The following MSI2 variants were observed in gnomAD, a reference collection of about 807,000 sequenced individuals.
The protein encoded by MSI2 is RNA-binding protein Musashi homolog 2.
MSI2 carries 17 observed loss-of-function variants against 45.6 expected under a neutral mutation model. The observed-to-expected ratio is 0.37, with a 90% CI of 0.26 to 0.56. The LOEUF (loss-of-function observed/expected upper bound fraction) is 0.56. MSI2 is among the 20% of genes least tolerant of loss of function. The pLI is 0.77. For synonymous variants in MSI2, 156 were observed against 158.2 expected (o/e 0.99, Z 0.11); for missense variants, 293 against 444.2 (o/e 0.66, Z 3.06).
intron 6 of MSI2, among the ~76,000 whole-genome samples, chr17:57,521,376 A>G (rs1453680142): frequency 6.6e-6 from 1 of 152,146 alleles, no homozygotes. Context: ...TGTGACCACG[A>G]AAGTAGTAAT....
rs1160128821 is a variant in MSI2, at chr17:57,323,148, A to G, written c.312+60956A>G. ...CCAGAAAGAAAGATCAAAAGCCAAAAAGAAAGGGAGCAGCTGACCCCAAGA... is the reference window on the plus strand; with the variant it reads ...CCAGAAAGAAAGATCAAAAGCCAAAGAGAAAGGGAGCAGCTGACCCCAAGA... On this transcript the variant is annotated intron_variant, in intron 5 of 13. Transcript: ENST00000284073. 9.9e-5 allele frequency among the ~76,000 whole-genome samples: 15 copies of G among 152,200 alleles called. 2 individuals carry two copies. In the South Asian group the frequency reaches 2.7e-3, roughly 27 times the overall value.
At chr17:57,637,105 C>T (rs571036352) in intron 10 of MSI2, among the ~76,000 whole-genome samples, 10 of 152,298 alleles carry the variant, frequency 6.6e-5, no homozygotes, top group African/African-American at 2.2e-4. Flanking sequence ...CAGATTAGAT[C>T]CACAGCCAGA....
chr17:57,523,269 G>A (rs548846327), intron 6 of MSI2, among the ~76,000 whole-genome samples: 8 of 152,222 alleles, frequency 5.3e-5, no homozygotes, highest in Admixed American at 3.9e-4. Flanking sequence ...GGCTGGTCTC[G>A]AACTCCTGAC....
intron 7 of MSI2, among the ~76,000 whole-genome samples, chr17:57,594,169 C>T (rs2144439216): frequency 6.6e-6 from 1 of 152,314 alleles, no homozygotes; most frequent in African/African-American, 2.4e-5. Context: ...CCAGCATCAC[C>T]CTCTTGCAGG....
rs1193829763 is a variant in MSI2 at position 57,256,623 on chromosome 17, G to T, written c.-120G>T. On this transcript the variant is annotated 5_prime_UTR_variant, in exon 1 of 14. Transcript: ENST00000284073. The stretch of plus-strand genomic sequence containing the variant: ...CAGAGAGATTCGGAGGAGCCCGGGC[G>T]GGGGGGAGGAGGAGGGGGAGGAGGG... 4 of 440,090 alleles carry T rather than the reference G, an allele frequency of 9.1e-6. No homozygotes were observed. The highest frequency in any genetic ancestry group is 1.6e-5 in the Non-Finnish European group (4 of 257,102). 27.3% of individuals were successfully genotyped at this position (440,090 alleles called of 1,614,324 possible).
At chr17:57,330,421 A>G (rs1323116804) in intron 5 of MSI2, among the ~76,000 whole-genome samples, 2 of 151,124 alleles carry the variant, frequency 1.3e-5, no homozygotes, top group Admixed American at 1.3e-4. Flanking sequence ...AGTAACCGGG[A>G]TTACAGGTGC....
At chr17:57,600,946 A>G (rs1047068867) in intron 8 of MSI2, 3 of 152,282 alleles carry the variant, frequency 2.0e-5, no homozygotes, top group African/African-American at 7.2e-5. Flanking sequence ...CAGTTTGCCC[A>G]AGGTCACATG....
intron 5 of MSI2, among the ~76,000 whole-genome samples, chr17:57,359,456 C>T (rs1916673818): frequency 1.3e-5 from 2 of 152,156 alleles, no homozygotes; most frequent in African/African-American, 4.8e-5. Flanking sequence ...GGGGGGCGGA[C>T]TTACCTGTCT....
chr17:57,464,711 G>T (rs564501732), intron 6 of MSI2, among the ~76,000 whole-genome samples: 2 of 152,328 alleles, frequency 1.3e-5, no homozygotes, highest in South Asian at 4.2e-4. Flanking sequence ...TTGGAAGCCT[G>T]AGAGTTCCTG....
intron 10 of MSI2, among the ~76,000 whole-genome samples, chr17:57,649,035 G>T (rs1318542039): frequency 6.6e-6 from 1 of 152,196 alleles, no homozygotes; most frequent in Non-Finnish European, 1.5e-5. Context: ...CCTGGAGACA[G>T]CCTGTGCCCT....
chr17:57,574,602 A>T (rs2087965538), intron 7 of MSI2, among the ~76,000 whole-genome samples: 1 of 152,118 alleles, frequency 6.6e-6, no homozygotes, highest in Admixed American at 6.5e-5. Flanking sequence ...TCAGGCTGGC[A>T]TGTGTGCCAG....
intron 7 of MSI2, among the ~76,000 whole-genome samples, chr17:57,551,431 G>A (rs1311248967): frequency 6.6e-6 from 1 of 152,144 alleles, no homozygotes; most frequent in Non-Finnish European, 1.5e-5. Flanking sequence ...TGGAGAGGTA[G>A]GTTCAGGTGG....
chr17:57,331,028 C>T (rs552312806), intron 5 of MSI2, among the ~76,000 whole-genome samples: 1 of 152,182 alleles, frequency 6.6e-6, no homozygotes, highest in East Asian at 1.9e-4. Flanking sequence ...ATTCTCCTGC[C>T]TCAGCCTCCC....
intron 7 of MSI2, among the ~76,000 whole-genome samples, chr17:57,593,243 G>A (rs1284239394): frequency 6.6e-6 from 1 of 152,184 alleles, no homozygotes; most frequent in African/African-American, 2.4e-5. Flanking sequence ...GGATATGGAG[G>A]CAGCTGAAAC....
chr17:57,586,975 A>G (rs2088365278), intron 7 of MSI2, among the ~76,000 whole-genome samples: 1 of 152,184 alleles, frequency 6.6e-6, no homozygotes, highest in Non-Finnish European at 1.5e-5. Flanking sequence ...ATTGGGAAGC[A>G]TAGGGCAGAG....
intron 13 of MSI2, 128 bp downstream of exon 13, chr17:57,677,187 C>G (rs1913292707): frequency 2.9e-6 from 2 of 679,734 alleles, no homozygotes; most frequent in African/African-American, 3.6e-5. Flanking sequence ...TTTCTGGACC[C>G]CTTTTCAGGA....
intron 9 of MSI2, among the ~76,000 whole-genome samples, chr17:57,617,247 G>C (rs1404373076): frequency 6.6e-6 from 1 of 152,162 alleles, no homozygotes; most frequent in Non-Finnish European, 1.5e-5. Flanking sequence ...AATTTTTTAG[G>C]CTTAACAGAG....
chr17:57,633,493 C>T (rs908460356), intron 10 of MSI2, among the ~76,000 whole-genome samples: 2 of 152,268 alleles, frequency 1.3e-5, no homozygotes, highest in African/African-American at 4.8e-5. Context: ...TGGAGCCCCT[C>T]ACATCTGTGC....
chr17:57,346,725 G>A (rs181569037), intron 5 of MSI2, among the ~76,000 whole-genome samples: 264 of 151,792 alleles, frequency 1.7e-3, no homozygotes, highest in African/African-American at 5.1e-3. Flanking sequence ...TCCCACCTCA[G>A]CCTCTTGTAT....
Sources: gnomAD v4.1 joint callset for allele counts (sites outside exome capture counted in the v4.1 genomes callset) on GRCh38, gnomAD v4.1.1 for gene constraint, MANE v1.5 for transcripts, NCBI Gene and HGNC (gene_info 2026-07-23, HGNC 2026-07-21) for gene names.